EPHA6: variants seen among roughly 807,000 people sequenced by gnomAD.
EPHA6 encodes ephrin type-A receptor 6.
EPHA6 carries 50 observed loss-of-function variants against 112.0 expected under a neutral mutation model. The ratio of observed to expected loss-of-function variants is 0.45; its 90% CI spans 0.36 to 0.56. The LOEUF is 0.56. Among genes scored for constraint, EPHA6 ranks in the 20% least tolerant of loss-of-function variants. The pLI, the probability that EPHA6 is intolerant of heterozygous loss-of-function variation, is 0.00. For synonymous variants in EPHA6, 529 were observed against 490.7 expected, an observed-to-expected ratio of 1.08 and a Z score of -1.03; for missense variants, 1,280 against 1,417.4, an observed-to-expected ratio of 0.90 and a Z score of 1.56.
chr3:97,711,409 A>G (rs958752657), intron 14 of EPHA6, among the ~76,000 whole-genome samples: 2 of 145,626 alleles, frequency 1.4e-5, no homozygotes, highest in African/African-American at 5.0e-5. Flanking sequence ...AACCATTAGG[A>G]TATATATATA....
intron 13 of EPHA6, among the ~76,000 whole-genome samples, chr3:97,631,481 CTT>C: frequency 6.6e-6 from 1 of 151,912 alleles, no homozygotes; most frequent in Non-Finnish European, 1.5e-5. Flanking sequence ...ACTTAGCCTT[CTT>C]TTTTTGTCAT....
chr3:96,941,318 A>AG (rs1290996298), intron 2 of EPHA6, among the ~76,000 whole-genome samples: 2 of 151,908 alleles, frequency 1.3e-5, no homozygotes, highest in African/African-American at 4.8e-5. Context: ...TTTTTTCTCT[A>AG]AACTTCCCTT....
rs1413361056 is a variant in EPHA6 at position 97,458,930 on chromosome 3, G to A, written c.1894+10200G>A. Reference sequence around the variant, plus strand: ...CAGTTCCCTGCTTTCACAACAGCTAGTGAGAAGTTCAGAATATTAAACAAG... The same window carrying A: ...CAGTTCCCTGCTTTCACAACAGCTAATGAGAAGTTCAGAATATTAAACAAG... On this transcript the variant is annotated intron_variant, in intron 7 of 17. Transcript: ENST00000389672. Among the ~76,000 whole-genome samples the A allele has an allele frequency of 2.6e-5, 4 of 152,192 alleles. No homozygotes were observed. The South Asian group carries it at 8.3e-4, about 31-fold the overall frequency.
intron 1 of EPHA6, among the ~76,000 whole-genome samples, chr3:96,852,194 A>G (rs1321778601): frequency 6.6e-6 from 1 of 152,172 alleles, no homozygotes; most frequent in East Asian, 1.9e-4. Context: ...GTCCAGTGCT[A>G]CATCAAGAGG....
At chr3:97,503,808 A>G (rs780185859) in intron 10 of EPHA6, among the ~76,000 whole-genome samples, 3 of 152,208 alleles carry the variant, frequency 2.0e-5, no homozygotes, top group African/African-American at 4.8e-5. Context: ...TAAAAATTCA[A>G]AAGTTTCATT....
chr3:97,153,033 G>A (rs1393910805), intron 3 of EPHA6, among the ~76,000 whole-genome samples: 2 of 152,014 alleles, frequency 1.3e-5, no homozygotes, highest in Admixed American at 6.6e-5. Flanking sequence ...AGGTAATAAA[G>A]GGTCACCTCT....
At chr3:97,333,474 T>C (rs1015902591) in intron 5 of EPHA6, among the ~76,000 whole-genome samples, 31 of 140,404 alleles carry the variant, frequency 2.2e-4, no homozygotes, top group African/African-American at 5.6e-4. Flanking sequence ...TTTTCTTTTT[T>C]TTTTTTTTTT....
intron 10 of EPHA6, among the ~76,000 whole-genome samples, chr3:97,486,084 A>G (rs940370268): frequency 3.3e-5 from 5 of 152,254 alleles, no homozygotes; most frequent in African/African-American, 1.2e-4. Flanking sequence ...ATACTGCAAA[A>G]GCAAAAAATA....
At chr3:97,071,379 C>T (rs957542806) in intron 3 of EPHA6, among the ~76,000 whole-genome samples, 9 of 151,672 alleles carry the variant, frequency 5.9e-5, no homozygotes, top group African/African-American at 1.5e-4. Flanking sequence ...TGTGTTAGTC[C>T]GTTTTTATGC....
intron 14 of EPHA6, among the ~76,000 whole-genome samples, chr3:97,717,369 G>A (rs2034294840): frequency 6.6e-6 from 1 of 151,994 alleles, no homozygotes; most frequent in Non-Finnish European, 1.5e-5. Context: ...AGTCTGCTAG[G>A]GCTGCCATAA....
At position 97,416,113 on chromosome 3, in the gene EPHA6, T is replaced by C. The variant is rs572879496; in HGVS notation, c.1731+10839T>C. Among the ~76,000 whole-genome samples the C allele has an allele frequency of 1.2e-4, 18 of 152,142 alleles. No individual in the cohort carries two copies. In the South Asian group the frequency reaches 1.4e-3, roughly 12 times the overall value. The stretch of plus-strand genomic sequence containing the variant: ...TATTATTACAAATCTACACTTCACC[T>C]TGTACTAATATTTTGTTTTAATATA... On this transcript the variant is annotated intron_variant, in intron 6 of 17. Transcript: ENST00000389672.
intron 14 of EPHA6, among the ~76,000 whole-genome samples, chr3:97,690,149 G>A (rs2032557097): frequency 6.6e-6 from 1 of 152,168 alleles, no homozygotes; most frequent in African/African-American, 2.4e-5. Flanking sequence ...TATATCCCTA[G>A]AAGTGAAATT....
intron 1 of EPHA6, among the ~76,000 whole-genome samples, chr3:96,850,380 C>T (rs980037657): frequency 2.6e-5 from 4 of 152,142 alleles, no homozygotes; most frequent in Middle Eastern, 3.4e-3. Flanking sequence ...CCTGGAAGTG[C>T]GCCATGAAGA....
At chr3:97,669,686 A>T (rs565211246) in intron 14 of EPHA6, among the ~76,000 whole-genome samples, 1 of 152,222 alleles carries the variant, frequency 6.6e-6, no homozygotes, top group South Asian at 2.1e-4. Context: ...TGATTTTTAT[A>T]CACATTTAAG....
At chr3:97,171,935 A>T (rs1275585179) in intron 3 of EPHA6, among the ~76,000 whole-genome samples, 2 of 152,270 alleles carry the variant, frequency 1.3e-5, no homozygotes, top group Middle Eastern at 3.4e-3. Flanking sequence ...TATCAAGTAA[A>T]TCAAAGCAGC....
intron 10 of EPHA6, among the ~76,000 whole-genome samples, chr3:97,494,117 A>G (rs1258994266): frequency 6.6e-6 from 1 of 152,238 alleles, no homozygotes. Context: ...AACAGATGTT[A>G]GAACCTTTTC....
At chr3:97,733,622 C>T (rs570164878) in intron 15 of EPHA6, among the ~76,000 whole-genome samples, 7 of 152,082 alleles carry the variant, frequency 4.6e-5, no homozygotes, top group African/African-American at 1.4e-4. Flanking sequence ...TTCCTGCTTT[C>T]AGGTATGTAC....
chr3:97,514,385 C>A (rs996700630), intron 10 of EPHA6, among the ~76,000 whole-genome samples: 3 of 152,114 alleles, frequency 2.0e-5, no homozygotes, highest in African/African-American at 7.2e-5. Context: ...CTTGTGAGTA[C>A]GCTGAACCTA....
chr3:97,247,752 A>T (rs1304369699), intron 5 of EPHA6, among the ~76,000 whole-genome samples: 1 of 151,934 alleles, frequency 6.6e-6, no homozygotes, highest in Non-Finnish European at 1.5e-5. Flanking sequence ...CAAGTTAAAG[A>T]ATCAGCCACT....
Sources: gnomAD v4.1 joint callset for allele counts (sites outside exome capture counted in the v4.1 genomes callset) on GRCh38, gnomAD v4.1.1 for gene constraint, MANE v1.5 for transcripts, NCBI Gene and HGNC (gene_info 2026-07-23, HGNC 2026-07-21) for gene names.